PCDHGB1: variants seen among roughly 807,000 people sequenced by gnomAD.
PCDHGB1 encodes the protein protocadherin gamma subfamily B, 1, also known as protocadherin gamma-B1.
A neutral mutation model predicts 56.6 loss-of-function variants in PCDHGB1; 34 were observed. The observed-to-expected ratio is 0.60, with a 90% CI of 0.46 to 0.80. The LOEUF is 0.80. Ranked by LOEUF, PCDHGB1 falls within the 30% of genes least tolerant of loss-of-function variation. The pLI is 0.00. For synonymous variants in PCDHGB1, 561 were observed against 505.9 expected (o/e 1.11, Z -1.46); for missense variants, 1,278 against 1,204.6 (o/e 1.06, Z -0.90).
chr5:141,355,062 GC>G, intron 1 of PCDHGB1: 1 of 1,307,734 alleles, frequency 7.6e-7, no homozygotes, highest in Non-Finnish European at 1.0e-6. Flanking sequence ...TGGCTCTGGA[GC>G]TTTATGAAAG....
At chr5:141,422,032 G>A in intron 1 of PCDHGB1, 1 of 1,611,280 alleles carries the variant, frequency 6.2e-7, no homozygotes, top group Non-Finnish European at 8.5e-7. Context: ...TAATGCAACG[G>A]ATCCAGACGA....
At position 141,421,580 on chromosome 5, in the gene PCDHGB1, A is replaced by G. The variant is rs375319424; in HGVS notation, c.2409+68911A>G. ...CTCGTGGAAGACACCTTGAAGATTT[A>G]CGGAGTGGAGGTGGAAATAATAGAT... On this transcript the variant is annotated intron_variant, in intron 1 of 3. Transcript: ENST00000523390. The G allele has an allele frequency of 1.1e-5, 17 of 1,613,782 alleles. No individual in the cohort carries two copies. In the East Asian group the frequency reaches 2.7e-4, roughly 25 times the overall value.
Position 141,432,599 on chromosome 5 carries a change from C to T in PCDHGB1, c.2410-62208C>T. 2.5e-6 allele frequency: 4 copies of T among 1,613,908 alleles called. No individual in the cohort carries two copies. The highest frequency in any genetic ancestry group is 2.7e-5 in the African/African-American group (2 of 75,052). On this transcript the variant is annotated intron_variant, in intron 1 of 3. Coordinates refer to ENST00000523390, the MANE Select transcript of PCDHGB1 (RefSeq NM_018922.3). The surrounding 1 kb of genome is among the most constrained non-coding windows in gnomAD (Gnocchi z 6.0). Reference sequence around the variant, plus strand: ...CTACCGTCTGCTCAAGGCCAGCGAGCCGGGACTCTTCTCGGTGGGTCTGCA... The same window carrying T: ...CTACCGTCTGCTCAAGGCCAGCGAGTCGGGACTCTTCTCGGTGGGTCTGCA...
In PCDHGB1 at chr5:141,489,750, C is replaced by T. The variant is rs753217170; in HGVS notation, c.2410-5057C>T. On this transcript the variant is annotated intron_variant, in intron 1 of 3. Coordinates refer to ENST00000523390, the MANE Select transcript of PCDHGB1 (RefSeq NM_018922.3). The surrounding 1 kb of genome is among the most constrained non-coding windows in gnomAD (Gnocchi z 4.5). ...TGGGCACCAATACTGTGAGCTTTTA[C>T]ACTCTAAGCCCCAACAGCCACTTCT... 1.2e-6 allele frequency: 2 copies of T among 1,614,098 alleles called. No homozygotes were observed. Among genetic ancestry groups the T allele is most frequent in the Admixed American group, 3.3e-5 (2 of 60,022 alleles).
chr5:141,431,163 A>G lies in PCDHGB1; in HGVS notation c.2410-63644A>G. On this transcript the variant is annotated intron_variant, in intron 1 of 3. Transcript: ENST00000523390. This position sits in a 1 kb window ranked among gnomAD's most constrained non-coding sequence, Gnocchi z 4.8. ...AACGACAATGCGCCTTACTTTCGTG[A>G]AAGTGAATTAGAAATAAAAATTAGT... 1 of 1,614,246 alleles carries G rather than the reference A, an allele frequency of 6.2e-7. No individual in the cohort carries two copies. Among genetic ancestry groups the G allele is most frequent in the Non-Finnish European group, 8.5e-7 (1 of 1,180,036 alleles).
Position 141,394,592 on chromosome 5 carries a change from G to A in PCDHGB1, c.2409+41923G>A, listed in dbSNP as rs754585576. The A allele has an allele frequency of 3.3e-4, 534 of 1,613,642 alleles. 1 individual carries two copies. Among genetic ancestry groups the A allele is most frequent in the Non-Finnish European group, 4.3e-4 (502 of 1,180,046 alleles). On this transcript the variant is annotated intron_variant, in intron 1 of 3. Coordinates refer to ENST00000523390, the MANE Select transcript of PCDHGB1 (RefSeq NM_018922.3). ...GCTACCTGGTGACCAAGGTGGTGGC[G>A]GTGGACAGAGACTCGGGCCAGAACG...
At chr5:141,415,094 A>G in intron 1 of PCDHGB1, 1 of 1,613,530 alleles carries the variant, frequency 6.2e-7, no homozygotes, top group Non-Finnish European at 8.5e-7. Flanking sequence ...CTGGACAGAG[A>G]CGCGCTCAAG....
chr5:141,426,492 T>C (rs1439487321), intron 1 of PCDHGB1: 2 of 336,712 alleles, frequency 5.9e-6, no homozygotes, highest in African/African-American at 4.3e-5. Context: ...TTAGAGTTAG[T>C]GCAGAGAAAC....
At chr5:141,426,702 C>CA (rs1187798274) in intron 1 of PCDHGB1, 1 of 439,184 alleles carries the variant, frequency 2.3e-6, no homozygotes, top group Admixed American at 2.4e-5. Context: ...CATTGTTTTA[C>CA]AAATCAATGA....
chr5:141,424,880 C>G (rs2096845847), intron 1 of PCDHGB1, among the ~76,000 whole-genome samples: 1 of 152,162 alleles, frequency 6.6e-6, no homozygotes, highest in Admixed American at 6.5e-5. Context: ...GGAAAGGAGA[C>G]TTATCTAGGG....
intron 1 of PCDHGB1, chr5:141,410,366 G>T: frequency 6.2e-7 from 1 of 1,613,774 alleles, no homozygotes; most frequent in Non-Finnish European, 8.5e-7. Flanking sequence ...TCTCAGCCCT[G>T]CTACTTGGGA....
rs972633773 is a variant in PCDHGB1, at chr5:141,489,751, A to T, written c.2410-5056A>T. ...GGGCACCAATACTGTGAGCTTTTAC[A>T]CTCTAAGCCCCAACAGCCACTTCTC... On this transcript the variant is annotated intron_variant, in intron 1 of 3. Coordinates refer to ENST00000523390, the MANE Select transcript of PCDHGB1 (RefSeq NM_018922.3). The surrounding 1 kb of genome is among the most constrained non-coding windows in gnomAD (Gnocchi z 4.5). The T allele has an allele frequency of 1.9e-6, 3 of 1,613,740 alleles. No individual in the cohort carries two copies. Among genetic ancestry groups the T allele is most frequent in the African/African-American group, 2.7e-5 (2 of 74,840 alleles).
At chr5:141,446,339 G>A (rs1455819111) in intron 1 of PCDHGB1, among the ~76,000 whole-genome samples, 1 of 152,164 alleles carries the variant, frequency 6.6e-6, no homozygotes, top group Non-Finnish European at 1.5e-5. Flanking sequence ...GAACTGGATG[G>A]ACAAAGCTAC....
At chr5:141,459,831 G>A (rs907978430) in intron 1 of PCDHGB1, among the ~76,000 whole-genome samples, 1 of 152,150 alleles carries the variant, frequency 6.6e-6, no homozygotes, top group Admixed American at 6.6e-5. Context: ...CTTTTCATGT[G>A]TTGTCTATTT....
At chr5:141,428,004 G>A in intron 1 of PCDHGB1, 1 of 1,601,732 alleles carries the variant, frequency 6.2e-7, no homozygotes, top group Non-Finnish European at 8.5e-7. Flanking sequence ...CGCACTCTTC[G>A]ATATAGTGCC....
intron 1 of PCDHGB1, among the ~76,000 whole-genome samples, chr5:141,352,913 G>A (rs1445194604): frequency 2.6e-5 from 4 of 152,172 alleles, no homozygotes; most frequent in African/African-American, 7.2e-5. Context: ...GCTTGAGCCC[G>A]GGAGGTGGAG....
chr5:141,405,400 T>C (rs986034251), intron 1 of PCDHGB1: 3 of 1,590,732 alleles, frequency 1.9e-6, no homozygotes, highest in Non-Finnish European at 2.6e-6. Flanking sequence ...TTTTCTTTCT[T>C]TCTTTTCTTT....
chr5:141,379,890 T>A (rs1002813574), intron 1 of PCDHGB1, among the ~76,000 whole-genome samples: 1 of 25,360 alleles, frequency 3.9e-5, no homozygotes, highest in East Asian at 2.2e-3. Context: ...TGAAAGCCTC[T>A]TTTTTTTTTT....
At chr5:141,383,220 C>T in intron 1 of PCDHGB1, 1 of 1,613,982 alleles carries the variant, frequency 6.2e-7, no homozygotes, top group East Asian at 2.2e-5. Context: ...TAAACTTTAA[C>T]ATCCTGATGG....
Sources: allele counts gnomAD v4.1 joint callset (sites outside exome capture counted in the v4.1 genomes callset), GRCh38; gene constraint gnomAD v4.1.1; non-coding constraint Gnocchi (gnomAD v3.1); transcripts MANE v1.5; gene names NCBI Gene and HGNC (gene_info 2026-07-23, HGNC 2026-07-21).